The following RSRC1 variants were observed in gnomAD, a reference collection of about 807,000 sequenced individuals.
RSRC1 encodes serine/Arginine-related protein 53.
RSRC1 carries 39 observed loss-of-function variants against 49.1 expected under a neutral mutation model. The observed-to-expected ratio is 0.79, with a 90% CI of 0.61 to 1.04. RSRC1 has a LOEUF of 1.04. RSRC1 is among the 50% of genes least tolerant of loss of function. RSRC1 has a pLI of 0.00. For missense variants in RSRC1, 388 were observed against 402.4 expected (o/e 0.96, Z 0.31); for synonymous variants, 143 against 130.8 (o/e 1.09, Z -0.63).
chr3:158,181,584 T>C (rs1559932428), intron 3 of RSRC1, among the ~76,000 whole-genome samples: 1 of 136,918 alleles, frequency 7.3e-6, no homozygotes, highest in African/African-American at 2.5e-5. Flanking sequence ...TCTTAGATGT[T>C]ATCATCATAG....
intron 5 of RSRC1, among the ~76,000 whole-genome samples, chr3:158,329,212 C>T (rs751817915): frequency 1.3e-5 from 2 of 152,118 alleles, no homozygotes; most frequent in Non-Finnish European, 2.9e-5. Flanking sequence ...GAAGTTTGAT[C>T]GTCTGAAACT....
At chr3:158,380,001 CCAAGAACCTACACAT>C (rs1172460400) in intron 6 of RSRC1, among the ~76,000 whole-genome samples, 5 of 151,692 alleles carry the variant, frequency 3.3e-5, no homozygotes, top group Non-Finnish European at 5.9e-5. Flanking sequence ...ATCTCCAGCA[CCAAGAACCTACACAT>C]CATTTGTGCT....
At chr3:158,142,949 A>G (rs1028870199) in intron 3 of RSRC1, among the ~76,000 whole-genome samples, 1 of 152,166 alleles carries the variant, frequency 6.6e-6, no homozygotes, top group South Asian at 2.1e-4. Flanking sequence ...GGTACCTAAC[A>G]TTGTATTTCA....
At chr3:158,254,055 G>A (rs1724386819) in intron 4 of RSRC1, among the ~76,000 whole-genome samples, 1 of 152,090 alleles carries the variant, frequency 6.6e-6, no homozygotes, top group African/African-American at 2.4e-5. Flanking sequence ...TGAAAATGAT[G>A]GTTTCCAGCT....
intron 5 of RSRC1, among the ~76,000 whole-genome samples, chr3:158,319,415 T>C (rs981454382): frequency 4.6e-5 from 7 of 152,312 alleles, no homozygotes; most frequent in Non-Finnish European, 1.0e-4. Flanking sequence ...ATTAAACCTC[T>C]TTTCTTTATA....
At chr3:158,328,723 G>C (rs954006003) in intron 5 of RSRC1, among the ~76,000 whole-genome samples, 37 of 152,186 alleles carry the variant, frequency 2.4e-4, no homozygotes, top group African/African-American at 8.0e-4. Context: ...GGAGGAGTAT[G>C]CTCTTCTCGA....
intron 6 of RSRC1, among the ~76,000 whole-genome samples, chr3:158,373,092 A>T (rs1297622734): frequency 6.6e-6 from 1 of 151,856 alleles, no homozygotes; most frequent in Non-Finnish European, 1.5e-5. Flanking sequence ...TTTTTAAAAG[A>T]TTCATTAGGA....
At chr3:158,338,804 T>G (rs2108210116) in intron 5 of RSRC1, among the ~76,000 whole-genome samples, 1 of 152,302 alleles carries the variant, frequency 6.6e-6, no homozygotes, top group South Asian at 2.1e-4. Context: ...TGTTGTGAGC[T>G]GAATTAAAAT....
Position 158,477,798 on chromosome 3 carries a change from T to TATATATATATATA in RSRC1, c.652+16795_652+16796insATATATATATATA, listed in dbSNP as rs1738432613. 5.7e-4 allele frequency among the ~76,000 whole-genome samples: 51 copies of TATATATATATATA among 89,766 alleles called. 1 individual carries two copies. The highest frequency in any genetic ancestry group is 2.3e-3 in the African/African-American group (50 of 21,646). The allele number at this position is 89,766 out of a possible 152,430, so 58.9% of individuals were successfully genotyped here. On this transcript the variant is annotated intron_variant, in intron 7 of 9. Coordinates refer to ENST00000611884, the MANE Select transcript of RSRC1 (RefSeq NM_001271838.2). ...TGATGGGATAGGTTGCGGGAGGGAT[T>TATATATATATATA]TATATATATATATATATATATATAT...
At chr3:158,519,990 GA>G (rs555746235) in intron 7 of RSRC1, among the ~76,000 whole-genome samples, 2 of 151,796 alleles carry the variant, frequency 1.3e-5, no homozygotes, top group African/African-American at 2.4e-5. Context: ...GAAGCCAAAT[GA>G]AAAAAAAGTT....
Position 158,312,701 on chromosome 3 carries a change from A to T in RSRC1, c.531+14626A>T, listed in dbSNP as rs539253685. Among the ~76,000 whole-genome samples, 8 of 152,312 alleles carry T rather than the reference A, an allele frequency of 5.3e-5. No homozygotes were observed. The South Asian group carries it at 1.7e-3, about 32-fold the overall frequency. On this transcript the variant is annotated intron_variant, in intron 5 of 9. Coordinates refer to ENST00000611884, the MANE Select transcript of RSRC1 (RefSeq NM_001271838.2). The stretch of plus-strand genomic sequence containing the variant: ...TTAGAAATATCTTATCTTGAGTGTC[A>T]GCCTTGGTTCTCATCCCTAATCTCC...
chr3:158,191,055 T>G (rs1246560379), intron 3 of RSRC1, among the ~76,000 whole-genome samples: 1 of 152,058 alleles, frequency 6.6e-6, no homozygotes, highest in Non-Finnish European at 1.5e-5. Flanking sequence ...CTCAAGTAGC[T>G]GAGACTACAG....
intron 4 of RSRC1, among the ~76,000 whole-genome samples, chr3:158,213,057 C>T (rs1016237458): frequency 2.6e-5 from 4 of 151,812 alleles, no homozygotes; most frequent in African/African-American, 7.3e-5. Flanking sequence ...TTGGTCAGCA[C>T]AAGTATAGAA....
chr3:158,135,875 T>G (rs1035686385), intron 3 of RSRC1, among the ~76,000 whole-genome samples: 3 of 152,182 alleles, frequency 2.0e-5, no homozygotes, highest in African/African-American at 7.2e-5. Context: ...CAAAATGTAC[T>G]TTTCTCCCAC....
intron 3 of RSRC1, among the ~76,000 whole-genome samples, chr3:158,202,497 A>G (rs192605827): frequency 9.7e-4 from 137 of 141,960 alleles, no homozygotes; most frequent in African/African-American, 3.2e-3. Flanking sequence ...GTTGAAACCC[A>G]TGTTGTTCAA....
chr3:158,480,325 A>G (rs1434054577), intron 7 of RSRC1, among the ~76,000 whole-genome samples: 18 of 152,024 alleles, frequency 1.2e-4, no homozygotes, highest in Non-Finnish European at 1.5e-5. Context: ...TCAGAAGCTC[A>G]ACTAAGTGTA....
chr3:158,516,634 C>G (rs12492548), intron 7 of RSRC1, among the ~76,000 whole-genome samples: 16,816 of 152,226 alleles, frequency 0.11, 1,153 homozygotes, highest in South Asian at 0.19. Context: ...CCGGTTGGAG[C>G]TTCCCGGCTG....
chr3:158,177,291 C>G (rs1719283613), intron 3 of RSRC1, among the ~76,000 whole-genome samples: 1 of 152,134 alleles, frequency 6.6e-6, no homozygotes, highest in Non-Finnish European at 1.5e-5. Context: ...CCCATTTCTG[C>G]ATATATACCC....
At chr3:158,474,838 A>G (rs1738296167) in intron 7 of RSRC1, among the ~76,000 whole-genome samples, 1 of 152,078 alleles carries the variant, frequency 6.6e-6, no homozygotes, top group African/African-American at 2.4e-5. Flanking sequence ...TCATAGTTTG[A>G]CCAAATCTCC....
Sources: allele counts gnomAD v4.1 joint callset (sites outside exome capture counted in the v4.1 genomes callset), GRCh38; gene constraint gnomAD v4.1.1; transcripts MANE v1.5; gene names NCBI Gene and HGNC (gene_info 2026-07-23, HGNC 2026-07-21).